C1orf141: variants seen among roughly 807,000 people sequenced by gnomAD.
The protein encoded by C1orf141 is chromosome 1 open reading frame 141, also known as uncharacterized protein C1orf141.
In C1orf141, 19 loss-of-function variants were observed where a neutral mutation model predicts 23.2. The observed-to-expected ratio is 0.82, with a 90% confidence interval of 0.57 to 1.20. The LOEUF is 1.20. Among genes scored for constraint, C1orf141 ranks in the 50% most tolerant of loss-of-function variants. C1orf141 has a pLI of 0.00. For synonymous variants in C1orf141, 153 were observed against 154.6 expected (o/e 0.99, Z 0.08); for missense variants, 469 against 455.1 (o/e 1.03, Z -0.28).
At chr1:67,125,528 T>A (rs1484399565) in intron 4 of C1orf141, among the ~76,000 whole-genome samples, 1 of 152,052 alleles carries the variant, frequency 6.6e-6, no homozygotes, top group Non-Finnish European at 1.5e-5. Context: ...GAAAACCCCA[T>A]CTCTATAAAA....
Position 67,098,394 on chromosome 1 carries a change from G to A in C1orf141, c.347-2073C>T, listed in dbSNP as rs182143410. The stretch of plus-strand genomic sequence containing the variant: ...AAATCAGCTGGGCATTGTGGCGAAC[G>A]CCTTATAGTCTCAGCTACTTGGGAG... On this transcript the variant is annotated intron_variant, in intron 5 of 7. Transcript: ENST00000684719. 3.8e-3 allele frequency among the ~76,000 whole-genome samples: 584 copies of A among 152,210 alleles called. 2 individuals carry two copies. The highest frequency in any genetic ancestry group is 0.017 in the Middle Eastern group (5 of 294).
intron 4 of C1orf141, chr1:67,123,297 C>A (rs1413373383): frequency 6.6e-6 from 1 of 151,360 alleles, no homozygotes; most frequent in Non-Finnish European, 1.5e-5. Context: ...GACAGCTTTT[C>A]TTTTTTTTAG....
At chr1:67,118,025 G>C (rs1322339798) in intron 4 of C1orf141, among the ~76,000 whole-genome samples, 2 of 152,158 alleles carry the variant, frequency 1.3e-5, no homozygotes, top group Non-Finnish European at 2.9e-5. Flanking sequence ...ATGTCATAGA[G>C]ATAAATGAGG....
Position 67,114,544 on chromosome 1 carries a change from TAAG to T in C1orf141, c.346+805_346+807del, listed in dbSNP as rs369395902. On this transcript the variant is annotated intron_variant, in intron 5 of 7. Transcript: ENST00000684719. Reference sequence around the variant, plus strand: ...TGATGTGGAGTCAAGAAACCTCAGTTAAGAAGGTTGATGAGAATTATGCAATTG... The same window carrying T: ...TGATGTGGAGTCAAGAAACCTCAGTTAAGGTTGATGAGAATTATGCAATTG... Among the ~76,000 whole-genome samples, 36 of 152,284 alleles carry T rather than the reference TAAG, an allele frequency of 2.4e-4. 2 individuals are homozygous for T. The South Asian group carries it at 6.9e-3, about 29-fold the overall frequency.
chr1:67,135,894 A>G (rs1646580670), upstream of C1orf141, among the ~76,000 whole-genome samples: 1 of 124,184 alleles, frequency 8.1e-6, no homozygotes, highest in South Asian at 2.6e-4. Context: ...GCTAGTGGCA[A>G]TGGCAAAACT....
At chr1:67,135,503 A>G (rs1646577810), upstream of C1orf141, among the ~76,000 whole-genome samples, 1 of 152,200 alleles carries the variant, frequency 6.6e-6, no homozygotes, top group Non-Finnish European at 1.5e-5. Context: ...ACTTGGCTGC[A>G]CACACACATA....
chr1:67,138,444 C>T (rs1001792802), upstream of C1orf141, among the ~76,000 whole-genome samples: 3 of 152,180 alleles, frequency 2.0e-5, no homozygotes, highest in African/African-American at 7.2e-5. Context: ...ATTCCCTTCC[C>T]TTGGCTTCAA....
At chr1:67,139,907 T>C (rs1187366301), upstream of C1orf141, among the ~76,000 whole-genome samples, 3 of 152,118 alleles carry the variant, frequency 2.0e-5, no homozygotes, top group African/African-American at 7.2e-5. Context: ...TAATGAATTA[T>C]GGGTTAACAG....
At chr1:67,140,713 G>T (rs1255277882) in intron 1 of C1orf141, among the ~76,000 whole-genome samples, 1 of 152,048 alleles carries the variant, frequency 6.6e-6, no homozygotes. Flanking sequence ...AACAAAACTT[G>T]TAACGATGAT....
At chr1:67,131,059 T>C (rs1280181038) in intron 2 of C1orf141, 83 bp downstream of exon 2, 2 of 152,306 alleles carry the variant, frequency 1.3e-5, no homozygotes, top group South Asian at 2.1e-4. Context: ...GTTCCCCAAC[T>C]ACTTTGCATA....
chr1:67,113,094 C>T (rs1177185391), intron 5 of C1orf141, among the ~76,000 whole-genome samples: 1 of 152,136 alleles, frequency 6.6e-6, no homozygotes, highest in East Asian at 1.9e-4. Flanking sequence ...ATTCTCATGC[C>T]TCAGCCTCCC....
chr1:67,113,240 A>G (rs71639468), intron 5 of C1orf141, among the ~76,000 whole-genome samples: 1 of 152,078 alleles, frequency 6.6e-6, no homozygotes, highest in Non-Finnish European at 1.5e-5. Flanking sequence ...TTGACCTCCC[A>G]AAGATCTGGG....
At chr1:67,097,601 C>G (rs1020070718) in intron 5 of C1orf141, among the ~76,000 whole-genome samples, 1 of 152,168 alleles carries the variant, frequency 6.6e-6, no homozygotes, top group African/African-American at 2.4e-5. Context: ...AGATATTATT[C>G]TGGTTACAAT....
intron 4 of C1orf141, among the ~76,000 whole-genome samples, chr1:67,115,872 C>A (rs1217706246): frequency 6.6e-6 from 1 of 152,196 alleles, no homozygotes; most frequent in Non-Finnish European, 1.5e-5. Context: ...ATTGTAAAGA[C>A]AAATTATCCT....
chr1:67,108,727 C>CA (rs778460113), intron 5 of C1orf141, among the ~76,000 whole-genome samples: 30 of 151,526 alleles, frequency 2.0e-4, no homozygotes, highest in Non-Finnish European at 3.4e-4. Flanking sequence ...GACTCTGTCT[C>CA]AAAAAAACAA....
chr1:67,095,656 A>G (rs1386751130), intron 6 of C1orf141: 2 of 377,398 alleles, frequency 5.3e-6, no homozygotes, highest in East Asian at 4.3e-5. Context: ...TTGAGTGGGG[A>G]CGAGTTGTAT....
chr1:67,110,962 ACT>A (rs1488390146), intron 5 of C1orf141, among the ~76,000 whole-genome samples: 4 of 149,606 alleles, frequency 2.7e-5, no homozygotes. Context: ...TACTTAAGAG[ACT>A]CTCTAAAGTG....
At chr1:67,129,678 G>A (rs1005407780) in intron 2 of C1orf141, among the ~76,000 whole-genome samples, 48 of 152,248 alleles carry the variant, frequency 3.2e-4, no homozygotes, top group African/African-American at 1.0e-3. Context: ...ACAGAACATC[G>A]CTCCAAAAAT....
At chr1:67,125,628 A>G in intron 4 of C1orf141, 124 bp downstream of exon 4, 1 of 900,632 alleles carries the variant, frequency 1.1e-6, no homozygotes, top group South Asian at 1.3e-5. Flanking sequence ...AAACCTGGGA[A>G]GTTGAGGCTG....
Sources: allele counts gnomAD v4.1 joint callset (sites outside exome capture counted in the v4.1 genomes callset), GRCh38; gene constraint gnomAD v4.1.1; transcripts MANE v1.5; gene names NCBI Gene and HGNC (gene_info 2026-07-23, HGNC 2026-07-21).